ST6GALNAC5: variants seen among roughly 807,000 people sequenced by gnomAD.
The protein encoded by ST6GALNAC5 is ST6 N-acetylgalactosaminide alpha-2,6-sialyltransferase 5.
In ST6GALNAC5, 27 loss-of-function variants were observed where a neutral mutation model predicts 33.6. The observed-to-expected ratio is 0.80, with a 90% CI of 0.59 to 1.11. The LOEUF is 1.11. Ranked by LOEUF, ST6GALNAC5 falls within the 50% of genes least tolerant of loss-of-function variation. The pLI, the probability that ST6GALNAC5 is intolerant of heterozygous loss-of-function variation, is 0.00. For missense variants in ST6GALNAC5, 428 were observed against 454.0 expected (o/e 0.94, Z 0.52); for synonymous variants, 194 against 171.2 (o/e 1.13, Z -1.04).
chr1:76,926,827 T>C lies in ST6GALNAC5; in HGVS notation c.261+58085T>C, dbSNP rs1647090701. Among the ~76,000 whole-genome samples the C allele has an allele frequency of 7.2e-5, 11 of 152,290 alleles. No individual in the cohort carries two copies. In the South Asian group the frequency reaches 2.3e-3, roughly 32 times the overall value. The stretch of plus-strand genomic sequence containing the variant: ...TTCTCCATACCTTTATCAGTATTAC[T>C]AATATTTCTCTAATTTTCTAGGAGA... On this transcript the variant is annotated intron_variant, in intron 2 of 4. Transcript: ENST00000477717.
rs531329262 is a variant in ST6GALNAC5 at position 76,915,038 on chromosome 1, A to C, written c.261+46296A>C. 4.1e-3 allele frequency among the ~76,000 whole-genome samples: 624 copies of C among 152,148 alleles called. 2 individuals carry two copies. Among genetic ancestry groups the C allele is most frequent in the Admixed American group, 0.013 (198 of 15,274 alleles). On this transcript the variant is annotated intron_variant, in intron 2 of 4. Transcript: ENST00000477717. Reference sequence around the variant, plus strand: ...CATCAAAAAGTGGGCAAAGGATATGAACAGACACTTCTCAAAAGAAGACAT... The same window carrying C: ...CATCAAAAAGTGGGCAAAGGATATGCACAGACACTTCTCAAAAGAAGACAT...
In ST6GALNAC5 at chr1:77,050,247, G is replaced by A; in HGVS notation, c.672-11G>A. On this transcript the variant is annotated splice_polypyrimidine_tract_variant and intron_variant, in intron 3 of 4. Transcript: ENST00000477717. ...TTACCAGCTTGCAGACTTAATTATTGTTCCTTCCAGGAAGATATCCAACAC... is the reference window on the plus strand; with the variant it reads ...TTACCAGCTTGCAGACTTAATTATTATTCCTTCCAGGAAGATATCCAACAC... 1 of 1,612,160 alleles carries A rather than the reference G, an allele frequency of 6.2e-7. No individual in the cohort carries two copies. Among genetic ancestry groups the A allele is most frequent in the Non-Finnish European group, 8.5e-7 (1 of 1,178,288 alleles).
chr1:76,931,398 T>C (rs1476228988), intron 2 of ST6GALNAC5, among the ~76,000 whole-genome samples: 2 of 152,130 alleles, frequency 1.3e-5, no homozygotes, highest in Non-Finnish European at 2.9e-5. Context: ...GGTATTATTG[T>C]TATTCATCAA....
rs201318395 is a variant in ST6GALNAC5, at chr1:77,025,361, C to G, written c.262-18843C>G. Among the ~76,000 whole-genome samples, 3 of 152,012 alleles carry G rather than the reference C, an allele frequency of 2.0e-5. No homozygotes were observed. The East Asian group carries it at 5.8e-4, about 29-fold the overall frequency. On this transcript the variant is annotated intron_variant, in intron 2 of 4. Transcript: ENST00000477717. ...CAGCCAGGCTAACATGGTGAAATCC[C>G]CTCTTTACTAAAAACACAAAAATTA...
At chr1:76,887,458 C>A (rs1653923394) in intron 2 of ST6GALNAC5, among the ~76,000 whole-genome samples, 1 of 151,994 alleles carries the variant, frequency 6.6e-6, no homozygotes, top group South Asian at 2.1e-4. Flanking sequence ...TCAGTGTTTG[C>A]CTTTTATATC....
chr1:77,051,924 G>A (rs747835047), intron 4 of ST6GALNAC5, among the ~76,000 whole-genome samples: 23 of 152,154 alleles, frequency 1.5e-4, no homozygotes, highest in Middle Eastern at 3.2e-3. Flanking sequence ...GACTTCAAGT[G>A]TTCAAGGAAA....
intron 2 of ST6GALNAC5, among the ~76,000 whole-genome samples, chr1:77,014,977 A>G (rs1650767939): frequency 6.6e-6 from 1 of 152,202 alleles, no homozygotes; most frequent in South Asian, 2.1e-4. Flanking sequence ...TAAGCACAAT[A>G]TTAAGCACTG....
At chr1:76,886,312 T>C (rs1653893942) in intron 2 of ST6GALNAC5, among the ~76,000 whole-genome samples, 1 of 152,194 alleles carries the variant, frequency 6.6e-6, no homozygotes, top group Non-Finnish European at 1.5e-5. Context: ...TTCCTTTTTT[T>C]TGTACTTGAT....
At chr1:76,961,161 GCCATGGCTTCAGCCGGTCCCT>G (rs1648221202) in intron 2 of ST6GALNAC5, among the ~76,000 whole-genome samples, 1 of 152,178 alleles carries the variant, frequency 6.6e-6, no homozygotes, top group Non-Finnish European at 1.5e-5. Flanking sequence ...ATGTTCTTCT[GCCATGGCTTCAGCCGGTCCCT>G]CCATTCGGGG....
At chr1:76,936,953 G>GGCGTGTGAGTGTGTGT (rs138095164) in intron 2 of ST6GALNAC5, among the ~76,000 whole-genome samples, 1 of 139,946 alleles carries the variant, frequency 7.1e-6, no homozygotes, top group Non-Finnish European at 1.5e-5. Context: ...AGAGAAGCAG[G>GGCGTGTGAGTGTGTGT]GTGTGTGTGT....
intron 2 of ST6GALNAC5, among the ~76,000 whole-genome samples, chr1:77,017,152 A>G (rs1328056899): frequency 4.2e-5 from 2 of 48,104 alleles, no homozygotes; most frequent in Non-Finnish European, 6.9e-5. Flanking sequence ...GGAAAAGGCA[A>G]AAAAAAAAAA....
At position 77,063,782 on chromosome 1, in the gene ST6GALNAC5, T is replaced by C. The variant is rs1205002349; in HGVS notation, c.*576T>C. 2 of 154,302 alleles carry C rather than the reference T, an allele frequency of 1.3e-5. No individual in the cohort carries two copies. Among genetic ancestry groups the C allele is most frequent in the East Asian group, 1.9e-4 (1 of 5,212 alleles). The allele number at this position is 154,302 out of a possible 1,614,324, so 9.6% of individuals were successfully genotyped here. ...GGGCCAGTATTTTTATAGATTATGA[T>C]TATGTGGTAATTTATCCTTCCTAAC... On this transcript the variant is annotated 3_prime_UTR_variant, in exon 5 of 5. Coordinates refer to ENST00000477717, the MANE Select transcript of ST6GALNAC5 (RefSeq NM_030965.3).
chr1:76,923,559 G>A lies in ST6GALNAC5; in HGVS notation c.261+54817G>A, dbSNP rs186805028. Among the ~76,000 whole-genome samples the A allele has an allele frequency of 1.8e-4, 28 of 152,080 alleles. No individual in the cohort carries two copies. In the East Asian group the frequency reaches 3.1e-3, roughly 17 times the overall value. On this transcript the variant is annotated intron_variant, in intron 2 of 4. Coordinates refer to ENST00000477717, the MANE Select transcript of ST6GALNAC5 (RefSeq NM_030965.3). ...AATACAAAAATTAGCCAGGTGTGGC[G>A]GCAGGTAGCTGTAATCTCAGCTACT...
chr1:76,983,964 G>A (rs1649371003), intron 2 of ST6GALNAC5, among the ~76,000 whole-genome samples: 1 of 152,216 alleles, frequency 6.6e-6, no homozygotes, highest in Non-Finnish European at 1.5e-5. Context: ...TCAAATCAAT[G>A]AGAACAAAGA....
intron 2 of ST6GALNAC5, among the ~76,000 whole-genome samples, chr1:76,922,759 CAA>C (rs1183882530): frequency 6.6e-6 from 1 of 151,518 alleles, no homozygotes; most frequent in Non-Finnish European, 1.5e-5. Context: ...GGCAACATGG[CAA>C]AAAGTCTCTA....
chr1:76,910,432 G>A (rs560379124), intron 2 of ST6GALNAC5, among the ~76,000 whole-genome samples: 19 of 151,988 alleles, frequency 1.3e-4, no homozygotes, highest in African/African-American at 4.3e-4. Context: ...AGGGGAAAGC[G>A]TTTTAGCTGT....
intron 2 of ST6GALNAC5, among the ~76,000 whole-genome samples, chr1:76,878,130 T>C (rs535506716): frequency 6.6e-6 from 1 of 152,284 alleles, no homozygotes; most frequent in South Asian, 2.1e-4. Context: ...TTTCAAGTCC[T>C]TGATGGTGGC....
intron 2 of ST6GALNAC5, among the ~76,000 whole-genome samples, chr1:77,029,787 C>T (rs1032484660): frequency 1.3e-5 from 2 of 152,200 alleles, no homozygotes; most frequent in Non-Finnish European, 2.9e-5. Flanking sequence ...GCAAATGAGG[C>T]TTAAAACAAC....
At chr1:76,923,726 CA>C (rs1389926404) in intron 2 of ST6GALNAC5, among the ~76,000 whole-genome samples, 1 of 151,414 alleles carries the variant, frequency 6.6e-6, no homozygotes, top group African/African-American at 2.4e-5. Context: ...AACAAACAAA[CA>C]AAAAAAACAG....
Sources: allele counts gnomAD v4.1 joint callset (sites outside exome capture counted in the v4.1 genomes callset), GRCh38; gene constraint gnomAD v4.1.1; transcripts MANE v1.5; gene names NCBI Gene and HGNC (gene_info 2026-07-23, HGNC 2026-07-21).